Variants in SLC20A2 observed in about 807,000 individuals in gnomAD.
SLC20A2 encodes the protein sodium-dependent phosphate transporter 2.
In SLC20A2, 30 loss-of-function variants were observed where a neutral mutation model predicts 61.0. That is an observed-to-expected ratio of 0.49 (90% CI 0.37 to 0.67). SLC20A2 has a LOEUF of 0.67. SLC20A2 is among the 30% of genes least tolerant of loss of function. The pLI is 0.00. For synonymous variants in SLC20A2, 351 were observed against 353.3 expected, an observed-to-expected ratio of 0.99 and a Z score of 0.07; for missense variants, 626 against 866.4, an observed-to-expected ratio of 0.72 and a Z score of 3.48.
At chr8:42,443,412 T>C (rs1478984861) in intron 6 of SLC20A2, among the ~76,000 whole-genome samples, 1 of 148,582 alleles carries the variant, frequency 6.7e-6, no homozygotes, top group East Asian at 2.0e-4. Context: ...CCCCCCCGGG[T>C]TCAAGCAATT....
chr8:42,470,197 G>A (rs1466356394), intron 2 of SLC20A2, among the ~76,000 whole-genome samples: 1 of 150,844 alleles, frequency 6.6e-6, no homozygotes, highest in African/African-American at 2.4e-5. Context: ...TTGTTGGAAT[G>A]AAAGTGATCT....
chr8:42,496,107 CG>C (rs900975665), intron 1 of SLC20A2, among the ~76,000 whole-genome samples: 6 of 152,276 alleles, frequency 3.9e-5, no homozygotes, highest in African/African-American at 1.4e-4. Flanking sequence ...TAAGGTAGGG[CG>C]GGTCTTTTTC....
intron 2 of SLC20A2, among the ~76,000 whole-genome samples, chr8:42,469,211 T>C (rs1211170659): frequency 6.6e-6 from 1 of 152,136 alleles, no homozygotes; most frequent in Non-Finnish European, 1.5e-5. Context: ...TGGCCAATGG[T>C]AATTACACCA....
chr8:42,499,588 A>G (rs1563527609), intron 1 of SLC20A2, among the ~76,000 whole-genome samples: 1 of 152,208 alleles, frequency 6.6e-6, no homozygotes, highest in Non-Finnish European at 1.5e-5. Context: ...CAGGACTAAG[A>G]ACTACAATAG....
intron 10 of SLC20A2, among the ~76,000 whole-genome samples, chr8:42,421,048 T>C (rs752557023): frequency 6.6e-6 from 1 of 152,214 alleles, no homozygotes; most frequent in Non-Finnish European, 1.5e-5. Context: ...CCTGTTCAGG[T>C]TGTATTTAGG....
chr8:42,514,002 G>C (rs748158960), intron 1 of SLC20A2, among the ~76,000 whole-genome samples: 2 of 152,136 alleles, frequency 1.3e-5, no homozygotes, highest in Non-Finnish European at 2.9e-5. Flanking sequence ...TAGAAGATTA[G>C]GTTGCAAAAA....
chr8:42,438,085 A>AAAAAAAAAAAAAAAAAAC (rs1401813867), intron 7 of SLC20A2, among the ~76,000 whole-genome samples: 1 of 149,244 alleles, frequency 6.7e-6, no homozygotes, highest in Non-Finnish European at 1.5e-5. Flanking sequence ...AAAAAAAAAA[A>AAAAAAAAAAAAAAAAAAC]AAAACATGGA....
At chr8:42,419,926 G>A (rs561674374) in intron 10 of SLC20A2, among the ~76,000 whole-genome samples, 1 of 152,276 alleles carries the variant, frequency 6.6e-6, no homozygotes, top group East Asian at 1.9e-4. Context: ...AGTGGCTCAT[G>A]CTTGTAATCC....
At chr8:42,475,205 T>G (rs1243053286) in intron 1 of SLC20A2, among the ~76,000 whole-genome samples, 4 of 152,032 alleles carry the variant, frequency 2.6e-5, no homozygotes, top group Non-Finnish European at 5.9e-5. Context: ...GCTCAAGCGA[T>G]CCTCCTGCCT....
At chr8:42,473,872 T>C (rs1807847636) in intron 1 of SLC20A2, among the ~76,000 whole-genome samples, 1 of 152,156 alleles carries the variant, frequency 6.6e-6, no homozygotes, top group Non-Finnish European at 1.5e-5. Flanking sequence ...ATGGCAATGT[T>C]GAAAATGCAT....
chr8:42,465,713 T>A, intron 3 of SLC20A2, 64 bp downstream of exon 3: 1 of 1,464,960 alleles, frequency 6.8e-7, no homozygotes, highest in Admixed American at 2.3e-5. Context: ...AAGTAACTTG[T>A]AATAAAACTT....
chr8:42,499,555 T>C (rs1282417509), intron 1 of SLC20A2, among the ~76,000 whole-genome samples: 1 of 152,124 alleles, frequency 6.6e-6, no homozygotes, highest in Admixed American at 6.5e-5. Flanking sequence ...AATGGATAAA[T>C]TCGAATCAGC....
rs1802702042 is a variant in SLC20A2, at chr8:42,416,885, C to T, written c.*918G>A. ...GTAGTGCTCAGCCACACGCCCTCAC[C>T]AACACCTGTGCATTCTCTACTCTGA... On this transcript the variant is annotated 3_prime_UTR_variant, in exon 11 of 11. Transcript: ENST00000520262. The T allele has an allele frequency of 6.5e-6, 1 of 152,706 alleles. No homozygotes were observed. The highest frequency in any genetic ancestry group is 2.4e-5 in the African/African-American group (1 of 41,442). The allele number at this position is 152,706 out of a possible 1,614,324, so 9.5% of individuals were successfully genotyped here. A position where few individuals can be genotyped will look rare whatever the true frequency, so the allele number is the denominator to read the frequency against.
upstream of SLC20A2, among the ~76,000 whole-genome samples, chr8:42,505,759 C>T (rs903407580): frequency 2.0e-5 from 3 of 151,810 alleles, no homozygotes; most frequent in Admixed American, 1.3e-4. Context: ...GGCACGGTCA[C>T]ACATACCTGT....
intron 3 of SLC20A2, among the ~76,000 whole-genome samples, chr8:42,464,092 C>CTTTTTTTTTTTTT (rs1170751054): frequency 0.018 from 369 of 20,548 alleles, 153 homozygotes; most frequent in Non-Finnish European, 0.027. Context: ...GCTGGATGAT[C>CTTTTTTTTTTTTT]TTTTTTTTTT....
At chr8:42,538,539 A>T (rs914594339) in intron 1 of SLC20A2, among the ~76,000 whole-genome samples, 1 of 152,202 alleles carries the variant, frequency 6.6e-6, no homozygotes, top group African/African-American at 2.4e-5. Flanking sequence ...TCACTAGTGG[A>T]AAGTGGAGAG....
At chr8:42,433,988 C>T (rs1345365105) in intron 8 of SLC20A2, among the ~76,000 whole-genome samples, 1 of 152,148 alleles carries the variant, frequency 6.6e-6, no homozygotes, top group East Asian at 1.9e-4. Context: ...CACAGGGTTA[C>T]AATTTCTCTA....
At chr8:42,434,744 C>A (rs570531373) in intron 8 of SLC20A2, among the ~76,000 whole-genome samples, 1 of 152,202 alleles carries the variant, frequency 6.6e-6, no homozygotes, top group Non-Finnish European at 1.5e-5. Context: ...TCACCAGACG[C>A]TCTCCCTGCT....
chr8:42,489,578 C>T (rs578209262), intron 1 of SLC20A2, among the ~76,000 whole-genome samples: 6 of 152,318 alleles, frequency 3.9e-5, no homozygotes, highest in African/African-American at 1.4e-4. Context: ...CTGCAGCTGT[C>T]ACTTAATTGT....
Sources: allele counts gnomAD v4.1 joint callset (sites outside exome capture counted in the v4.1 genomes callset), GRCh38; gene constraint gnomAD v4.1.1; transcripts MANE v1.5; gene names NCBI Gene and HGNC (gene_info 2026-07-23, HGNC 2026-07-21).